Variants in GPHN observed in about 807,000 individuals in gnomAD.
GPHN encodes the protein gephyrin.
In GPHN, 17 loss-of-function variants were observed where a neutral mutation model predicts 95.5. The ratio of observed to expected loss-of-function variants is 0.18; its 90% CI spans 0.12 to 0.27. The LOEUF is 0.27. Ranked by LOEUF, GPHN falls within the 10% of genes least tolerant of loss-of-function variation. GPHN has a pLI of 1.00. For synonymous variants in GPHN, 320 were observed against 322.5 expected (o/e 0.99, Z 0.08); for missense variants, 660 against 978.1 (o/e 0.67, Z 4.34).
intron 2 of GPHN, among the ~76,000 whole-genome samples, chr14:66,694,383 G>A (rs1595578811): frequency 6.6e-6 from 1 of 152,122 alleles, no homozygotes; most frequent in Non-Finnish European, 1.5e-5. Flanking sequence ...CCAGTCCATG[G>A]TATTTTTTAA....
chr14:66,688,645 G>A (rs1332322105), intron 2 of GPHN, among the ~76,000 whole-genome samples: 2 of 152,036 alleles, frequency 1.3e-5, no homozygotes, highest in Admixed American at 6.6e-5. Flanking sequence ...GGAGATGAAC[G>A]GGAACAAATT....
the GPHN span, among the ~76,000 whole-genome samples, chr14:67,439,819 TC>T: frequency 6.6e-6 from 1 of 152,000 alleles, no homozygotes; most frequent in South Asian, 2.1e-4. Context: ...TTTCTTCTCT[TC>T]TCTTCTCTCT....
At chr14:67,434,029 A>G in the GPHN span, among the ~76,000 whole-genome samples, 4 of 152,348 alleles carry the variant, frequency 2.6e-5, no homozygotes, top group South Asian at 8.3e-4. Context: ...TGAAAGCCAC[A>G]GATGGGGGAG....
the GPHN span, chr14:67,614,845 G>GTTTTTTTTTTTTTTTTTT: frequency 6.8e-6 from 1 of 146,058 alleles, no homozygotes; most frequent in Non-Finnish European, 1.5e-5. Flanking sequence ...TGTCCTTGAG[G>GTTTTTTTTTTTTTTTTTT]TTTTTTTTTT....
intron 10 of GPHN, among the ~76,000 whole-genome samples, chr14:67,035,045 A>G (rs767723048): frequency 6.6e-6 from 1 of 152,084 alleles, no homozygotes; most frequent in Non-Finnish European, 1.5e-5. Flanking sequence ...AAAGTTAGGA[A>G]GACTGAAACC....
At chr14:66,693,715 C>T (rs543824587) in intron 2 of GPHN, among the ~76,000 whole-genome samples, 1 of 152,292 alleles carries the variant, frequency 6.6e-6, no homozygotes, top group Non-Finnish European at 1.5e-5. Context: ...GAAACATTCT[C>T]ACAAGCATAC....
At chr14:67,485,461 G>T in the GPHN span, among the ~76,000 whole-genome samples, 2 of 152,188 alleles carry the variant, frequency 1.3e-5, no homozygotes, top group Non-Finnish European at 2.9e-5. Context: ...AAAAAGACCT[G>T]ATTACCCCTT....
At chr14:67,328,616 A>G in the GPHN span, among the ~76,000 whole-genome samples, 1 of 152,204 alleles carries the variant, frequency 6.6e-6, no homozygotes, top group African/African-American at 2.4e-5. Flanking sequence ...TTTAGGTCTA[A>G]CATTTAAGTC....
chr14:66,856,029 C>A (rs970228440), intron 4 of GPHN, among the ~76,000 whole-genome samples: 2 of 151,888 alleles, frequency 1.3e-5, no homozygotes, highest in African/African-American at 4.8e-5. Context: ...CTTTTATATC[C>A]AAACAACACT....
chr14:66,758,370 A>G (rs1203767167), intron 2 of GPHN, among the ~76,000 whole-genome samples: 6 of 152,174 alleles, frequency 3.9e-5, no homozygotes, highest in Admixed American at 2.0e-4. Context: ...TCTAACTGCC[A>G]TTAGAATAGG....
chr14:67,495,305 C>T, the GPHN span, among the ~76,000 whole-genome samples: 1 of 152,188 alleles, frequency 6.6e-6, no homozygotes, highest in African/African-American at 2.4e-5. Flanking sequence ...TTACTCCCAC[C>T]TCCTCCTCCC....
chr14:66,619,575 C>A (rs1165332597), intron 1 of GPHN, among the ~76,000 whole-genome samples: 2 of 148,678 alleles, frequency 1.3e-5, no homozygotes, highest in Non-Finnish European at 3.0e-5. Context: ...GAGTTTTTTC[C>A]TTATTGTTGA....
At chr14:67,593,826 A>G in the GPHN span, 55 of 1,613,474 alleles carry the variant, frequency 3.4e-5, no homozygotes, top group Non-Finnish European at 4.5e-5. Flanking sequence ...GAAGCATAAG[A>G]TGAAGTCATC....
chr14:67,474,766 A>G, the GPHN span, among the ~76,000 whole-genome samples: 1 of 152,140 alleles, frequency 6.6e-6, no homozygotes, highest in Non-Finnish European at 1.5e-5. Context: ...TTCTGTCTCT[A>G]TGAATTTGAC....
At chr14:67,662,902 CAAAAAAA>C in the GPHN span, 62 of 899,640 alleles carry the variant, frequency 6.9e-5, no homozygotes, top group Admixed American at 2.7e-4. Flanking sequence ...GACTCTGTCT[CAAAAAAA>C]AAAAAAAAAA....
intron 7 of GPHN, 112 bp downstream of exon 7, chr14:66,923,050 C>G (rs2066300351): frequency 2.2e-6 from 2 of 909,856 alleles, no homozygotes; most frequent in Admixed American, 1.9e-5. Flanking sequence ...TCAGAGAACC[C>G]TAAAAAAATA....
At chr14:67,639,818 G>T in the GPHN span, among the ~76,000 whole-genome samples, 1 of 151,934 alleles carries the variant, frequency 6.6e-6, no homozygotes, top group African/African-American at 2.4e-5. Flanking sequence ...CCAGCTACTT[G>T]GGAGGCTGAG....
chr14:66,660,222 A>C (rs1171142984), intron 1 of GPHN, among the ~76,000 whole-genome samples: 1 of 152,114 alleles, frequency 6.6e-6, no homozygotes, highest in Non-Finnish European at 1.5e-5. Flanking sequence ...TTGTACGTAC[A>C]TATAGACTCA....
intron 1 of GPHN, among the ~76,000 whole-genome samples, chr14:66,675,826 C>A (rs1328617038): frequency 6.6e-6 from 1 of 152,032 alleles, no homozygotes; most frequent in Non-Finnish European, 1.5e-5. Context: ...ATATAAATAT[C>A]CAATTTTCCA....
Sources: gnomAD v4.1 joint callset for allele counts (sites outside exome capture counted in the v4.1 genomes callset) on GRCh38, gnomAD v4.1.1 for gene constraint, MANE v1.5 for transcripts, NCBI Gene and HGNC (gene_info 2026-07-23, HGNC 2026-07-21) for gene names.